CCDC91: variants seen among roughly 807,000 people sequenced by gnomAD.
CCDC91 encodes the protein coiled-coil domain-containing protein 91.
A neutral mutation model predicts 63.2 loss-of-function variants in CCDC91; 48 were observed. The ratio of observed to expected loss-of-function variants is 0.76; its 90% CI spans 0.60 to 0.97. CCDC91 has a LOEUF of 0.97. Ranked by LOEUF, CCDC91 falls within the 50% of genes least tolerant of loss-of-function variation. The pLI is 0.00. For missense variants in CCDC91, 500 were observed against 494.6 expected (o/e 1.01, Z -0.10); for synonymous variants, 167 against 165.8 (o/e 1.01, Z -0.06).
rs145639131 is a variant in CCDC91 at position 28,444,744 on chromosome 12, T to C, written c.763-5417T>C. The stretch of plus-strand genomic sequence containing the variant: ...ACTCTCGGGTACTGGGCTTAGTACT[T>C]TGGTGATGAAATAATCTGTACAGCA... On this transcript the variant is annotated intron_variant, in intron 8 of 12. Transcript: ENST00000536442. Among the ~76,000 whole-genome samples the C allele has an allele frequency of 3.6e-3, 543 of 152,238 alleles. 7 individuals carry two copies. The highest frequency in any genetic ancestry group is 0.012 in the African/African-American group (511 of 41,528).
chr12:28,431,522 A>G (rs1948624672), intron 8 of CCDC91, among the ~76,000 whole-genome samples: 1 of 152,092 alleles, frequency 6.6e-6, no homozygotes, highest in Non-Finnish European at 1.5e-5. Flanking sequence ...TATATTGGTT[A>G]CAGTTTTCCT....
chr12:28,546,033 C>T (rs1942966993), intron 12 of CCDC91, among the ~76,000 whole-genome samples: 1 of 152,052 alleles, frequency 6.6e-6, no homozygotes, highest in African/African-American at 2.4e-5. Flanking sequence ...TTAAAGCTAG[C>T]ACATATGTTA....
chr12:28,209,838 T>G (rs894204456), intron 1 of CCDC91, among the ~76,000 whole-genome samples: 1 of 152,252 alleles, frequency 6.6e-6, no homozygotes, highest in African/African-American at 2.4e-5. Flanking sequence ...TCCCATGCTT[T>G]CTTATAATCT....
intron 3 of CCDC91, among the ~76,000 whole-genome samples, chr12:28,295,932 T>G (rs571430410): frequency 2.0e-5 from 3 of 152,148 alleles, no homozygotes; most frequent in African/African-American, 7.2e-5. Flanking sequence ...AAAAAGCCTT[T>G]TATTTTTAGA....
chr12:28,266,351 A>G (rs1301450693), intron 3 of CCDC91, among the ~76,000 whole-genome samples: 3 of 152,040 alleles, frequency 2.0e-5, no homozygotes, highest in East Asian at 1.9e-4. Flanking sequence ...TAGCAAATCT[A>G]TAAATTGAAA....
chr12:28,260,084 T>G (rs1322464425), intron 3 of CCDC91, among the ~76,000 whole-genome samples: 2 of 152,030 alleles, frequency 1.3e-5, no homozygotes, highest in African/African-American at 4.8e-5. Context: ...AAGTGCTTAT[T>G]ATGCATTAGG....
At chr12:28,277,356 G>A (rs1163491877) in intron 3 of CCDC91, among the ~76,000 whole-genome samples, 1 of 151,906 alleles carries the variant, frequency 6.6e-6, no homozygotes, top group Non-Finnish European at 1.5e-5. Context: ...TATGTCAGAT[G>A]TTCTTTATTT....
At chr12:28,383,188 C>T (rs1292961015) in intron 7 of CCDC91, among the ~76,000 whole-genome samples, 1 of 152,076 alleles carries the variant, frequency 6.6e-6, no homozygotes, top group Non-Finnish European at 1.5e-5. Flanking sequence ...TTGGCTTTCA[C>T]AGCTTCCAAG....
chr12:28,202,096 T>A (rs1942495799), intron 1 of CCDC91, among the ~76,000 whole-genome samples: 1 of 151,420 alleles, frequency 6.6e-6, no homozygotes, highest in South Asian at 2.1e-4. Flanking sequence ...TCCACAATGT[T>A]TGTTTCTTTA....
intron 8 of CCDC91, among the ~76,000 whole-genome samples, chr12:28,401,154 T>G (rs896553585): frequency 2.6e-5 from 4 of 152,320 alleles, no homozygotes; most frequent in Middle Eastern, 3.4e-3. Context: ...TTCATGCTGC[T>G]AATACAGACA....
intron 1 of CCDC91, among the ~76,000 whole-genome samples, chr12:28,256,448 G>A (rs1040925626): frequency 6.8e-6 from 1 of 148,050 alleles, no homozygotes; most frequent in African/African-American, 2.5e-5. Flanking sequence ...TTTTTTTAAA[G>A]CCCTGATACT....
rs3064681 is a variant in CCDC91 at position 28,244,494 on chromosome 12, C to CTTTTTTTTT, written c.-14-12684_-14-12676dup. Among the ~76,000 whole-genome samples the CTTTTTTTTT allele has an allele frequency of 2.1e-4, 8 of 38,426 alleles. 2 individuals are homozygous for CTTTTTTTTT. Among genetic ancestry groups the CTTTTTTTTT allele is most frequent in the Non-Finnish European group, 2.6e-4 (6 of 22,930 alleles). 25.2% of individuals were successfully genotyped at this position (38,426 alleles called of 152,430 possible). On this transcript the variant is annotated intron_variant, in intron 1 of 12. Coordinates refer to ENST00000536442, the MANE Select transcript of CCDC91 (RefSeq NM_018318.5). Reference sequence around the variant, plus strand: ...GAAACTTGGACAATGTAGAAGAAGGCTTTTTTTTTTTTTTTTTTTTTTTTT... The same window carrying CTTTTTTTTT: ...GAAACTTGGACAATGTAGAAGAAGGCTTTTTTTTTTTTTTTTTTTTTTTTTTTTTTTTTT...
chr12:28,505,175 A>G (rs1490349693), intron 12 of CCDC91, among the ~76,000 whole-genome samples: 1 of 151,780 alleles, frequency 6.6e-6, no homozygotes, highest in Non-Finnish European at 1.5e-5. Flanking sequence ...AATCATTACT[A>G]TTTGCCTTTT....
intron 3 of CCDC91, among the ~76,000 whole-genome samples, chr12:28,265,515 G>A (rs1029773467): frequency 9.2e-5 from 14 of 152,062 alleles, no homozygotes; most frequent in Non-Finnish European, 2.1e-4. Context: ...AAACCTGGAA[G>A]ACAGATGCCT....
chr12:28,304,777 A>T, intron 3 of CCDC91: 1 of 485,154 alleles, frequency 2.1e-6, no homozygotes, highest in East Asian at 7.4e-5. Flanking sequence ...CACTTTCCTT[A>T]AATTTTAAAA....
At chr12:28,468,722 A>T (rs1950661875) in intron 11 of CCDC91, among the ~76,000 whole-genome samples, 1 of 152,190 alleles carries the variant, frequency 6.6e-6, no homozygotes, top group South Asian at 2.1e-4. Context: ...TCAGCAGTAT[A>T]TTAAATGATT....
chr12:28,431,186 G>A (rs1948606848), intron 8 of CCDC91, among the ~76,000 whole-genome samples: 1 of 152,050 alleles, frequency 6.6e-6, no homozygotes, highest in Non-Finnish European at 1.5e-5. Flanking sequence ...TTTCACATAT[G>A]TTTGAAAAGA....
At chr12:28,210,704 T>C (rs991092195) in intron 1 of CCDC91, among the ~76,000 whole-genome samples, 1 of 152,128 alleles carries the variant, frequency 6.6e-6, no homozygotes, top group Non-Finnish European at 1.5e-5. Context: ...GACAAACAGC[T>C]GATATTTTTG....
intron 7 of CCDC91, among the ~76,000 whole-genome samples, chr12:28,390,766 G>A (rs1418972984): frequency 1.3e-5 from 2 of 151,898 alleles, no homozygotes; most frequent in Admixed American, 6.6e-5. Context: ...AACTTCCTGG[G>A]GGGCAGTTCT....
Sources: allele counts gnomAD v4.1 joint callset (sites outside exome capture counted in the v4.1 genomes callset), GRCh38; gene constraint gnomAD v4.1.1; transcripts MANE v1.5; gene names NCBI Gene and HGNC (gene_info 2026-07-23, HGNC 2026-07-21).